CASZ1: variants seen among roughly 807,000 people sequenced by gnomAD.
CASZ1 encodes the protein zinc finger protein castor homolog 1.
Under a neutral mutation model 135.2 loss-of-function variants are expected in CASZ1, and 28 were observed. The ratio of observed to expected loss-of-function variants is 0.21; its 90% CI spans 0.15 to 0.28. The LOEUF is 0.28. Among genes scored for constraint, CASZ1 ranks in the 10% least tolerant of loss-of-function variants. The pLI is 1.00. For synonymous variants in CASZ1, 1,068 were observed against 1,073.4 expected, an observed-to-expected ratio of 0.99 and a Z score of 0.10; for missense variants, 2,161 against 2,453.3, an observed-to-expected ratio of 0.88 and a Z score of 2.52.
chr1:10,712,459 T>G (rs1322845403), intron 2 of CASZ1, among the ~76,000 whole-genome samples: 4 of 152,216 alleles, frequency 2.6e-5, no homozygotes, highest in Admixed American at 2.6e-4. Flanking sequence ...ATGATATCGC[T>G]TTTTTAAAAA....
At chr1:10,690,463 G>A (rs1249123446) in intron 4 of CASZ1, among the ~76,000 whole-genome samples, 6 of 152,228 alleles carry the variant, frequency 3.9e-5, no homozygotes, top group Admixed American at 6.5e-5. Context: ...AGGAAAATGA[G>A]CCAGCCTGGC....
chr1:10,736,260 G>A (rs1639795607), intron 2 of CASZ1, among the ~76,000 whole-genome samples: 1 of 152,132 alleles, frequency 6.6e-6, no homozygotes, highest in Non-Finnish European at 1.5e-5. Flanking sequence ...CACACTCCTG[G>A]TCCCCATCAC....
In CASZ1 at chr1:10,754,494, A is replaced by T. The variant is rs551674942; in HGVS notation, c.-77+6207T>A. Among the ~76,000 whole-genome samples, 408 of 152,254 alleles carry T rather than the reference A, an allele frequency of 2.7e-3. 2 individuals are homozygous for T. Among genetic ancestry groups the T allele is most frequent in the African/African-American group, 9.6e-3 (398 of 41,552 alleles). The stretch of plus-strand genomic sequence containing the variant: ...CTGAGGCTGAGCCCTGGCCCAACCC[A>T]GTGGGCTCCTCAAGCATCCAGTTCC... On this transcript the variant is annotated intron_variant, in intron 2 of 20. Transcript: ENST00000377022.
intron 4 of CASZ1, among the ~76,000 whole-genome samples, chr1:10,686,466 C>G (rs999478492): frequency 1.1e-4 from 17 of 152,184 alleles, no homozygotes; most frequent in Non-Finnish European, 2.4e-4. Flanking sequence ...CCTGGGACAG[C>G]CTGTTGCCCA....
intron 20 of CASZ1, among the ~76,000 whole-genome samples, chr1:10,640,513 G>A (rs1320965846): frequency 6.6e-6 from 1 of 152,236 alleles, no homozygotes; most frequent in Non-Finnish European, 1.5e-5. Flanking sequence ...CCGGCTACCC[G>A]GCTTCCCTGG....
Position 10,638,123 on chromosome 1 carries a change from TC to T in CASZ1, c.*818del, listed in dbSNP as rs1199791295. ...CCACGCCTGCTTTCTTCCTTTTTGT[TC>T]TATGTAGAATAATAACCTTTACAGG... On this transcript the variant is annotated 3_prime_UTR_variant, in exon 21 of 21. Transcript: ENST00000377022. This position sits in a 1 kb window ranked among gnomAD's most constrained non-coding sequence, Gnocchi z 5.9. The T allele has an allele frequency of 1.3e-5, 2 of 152,388 alleles. No individual in the cohort carries two copies. Among genetic ancestry groups the T allele is most frequent in the African/African-American group, 2.4e-5 (1 of 41,430 alleles). The allele number at this position is 152,388 out of a possible 1,614,324, so 9.4% of individuals were successfully genotyped here.
chr1:10,757,413 C>G lies in CASZ1; in HGVS notation c.-77+3288G>C, dbSNP rs554615101. On this transcript the variant is annotated intron_variant, in intron 2 of 20. Transcript: ENST00000377022. The surrounding 1 kb of genome is among the most constrained non-coding windows in gnomAD (Gnocchi z 4.6). ...TGTCCACCTCCTCCTCACCCAGCCA[C>G]CATCCTCTCACACCATCGGCTGCAG... Among the ~76,000 whole-genome samples, 145 of 152,326 alleles carry G rather than the reference C, an allele frequency of 9.5e-4. No homozygotes were observed. Among genetic ancestry groups the G allele is most frequent in the African/African-American group, 3.2e-3 (134 of 41,564 alleles).
rs1638885135 is a variant in CASZ1, at chr1:10,694,719, C to G, written c.-23-807G>C. Among the ~76,000 whole-genome samples the G allele has an allele frequency of 7.0e-6, 1 of 142,204 alleles. No homozygotes were observed. The highest frequency in any genetic ancestry group is 2.5e-5 in the African/African-American group (1 of 39,842). The allele number at this position is 142,204 out of a possible 152,430, so 93.3% of individuals were successfully genotyped here. A position where few individuals can be genotyped will look rare whatever the true frequency, so the allele number is the denominator to read the frequency against. On this transcript the variant is annotated intron_variant, in intron 3 of 20. Coordinates refer to ENST00000377022, the MANE Select transcript of CASZ1 (RefSeq NM_001079843.3). The surrounding 1 kb of genome is among the most constrained non-coding windows in gnomAD (Gnocchi z 6.6). ...CGCGCCCCCGCCGCGCGCGCCCGCG[C>G]CGCACTGGCAGGGCGGCCGGCTCCA...
At chr1:10,733,587 A>G (rs1168928737) in intron 2 of CASZ1, among the ~76,000 whole-genome samples, 17 of 152,204 alleles carry the variant, frequency 1.1e-4, no homozygotes, top group Non-Finnish European at 4.4e-5. Flanking sequence ...CCGGGCAACT[A>G]TAACTCAGGG....
intron 2 of CASZ1, among the ~76,000 whole-genome samples, chr1:10,729,687 GAC>G (rs1238641407): frequency 1.3e-5 from 2 of 152,270 alleles, no homozygotes; most frequent in Non-Finnish European, 2.9e-5. Flanking sequence ...ACATTACGCT[GAC>G]AGCGCAAAGG....
chr1:10,770,677 T>G (rs1570578294), intron 1 of CASZ1, among the ~76,000 whole-genome samples: 1 of 152,216 alleles, frequency 6.6e-6, no homozygotes, highest in East Asian at 1.9e-4. Flanking sequence ...GGCCTGCAAT[T>G]TTCCAGCAGC....
intron 2 of CASZ1, among the ~76,000 whole-genome samples, chr1:10,712,223 G>A (rs1372403176): frequency 6.6e-6 from 1 of 152,078 alleles, no homozygotes; most frequent in African/African-American, 2.4e-5. Flanking sequence ...GTGGGCGCCT[G>A]TAATCCCAGC....
rs1642039436 is a variant in CASZ1, at chr1:10,637,764, A to G, written c.*1178T>C. On this transcript the variant is annotated 3_prime_UTR_variant, in exon 21 of 21. Coordinates refer to ENST00000377022, the MANE Select transcript of CASZ1 (RefSeq NM_001079843.3). ...GGGGATGTTTTGCAAAGGGAACCCA[A>G]TCTGGGTAGACTGCACCAGCGAAGA... The G allele has an allele frequency of 6.6e-6, 1 of 152,434 alleles. No homozygotes were observed. The highest frequency in any genetic ancestry group is 1.5e-5 in the Non-Finnish European group (1 of 68,014). 9.4% of individuals were successfully genotyped at this position (152,434 alleles called of 1,614,324 possible). A position where few individuals can be genotyped will look rare whatever the true frequency, so the allele number is the denominator to read the frequency against.
intron 4 of CASZ1, among the ~76,000 whole-genome samples, chr1:10,681,301 G>A (rs1477344458): frequency 6.6e-6 from 1 of 152,062 alleles, no homozygotes; most frequent in Non-Finnish European, 1.5e-5. Context: ...GTGGAAGGGT[G>A]GACAGAAGAG....
intron 4 of CASZ1, among the ~76,000 whole-genome samples, chr1:10,691,303 G>C (rs1004826590): frequency 1.3e-5 from 2 of 152,210 alleles, no homozygotes; most frequent in African/African-American, 4.8e-5. Flanking sequence ...AAGACGTCCA[G>C]ATTGATCCAG....
At chr1:10,650,619 TCCCCCCA>T in intron 13 of CASZ1, 66 bp downstream of exon 13, 1 of 1,292,102 alleles carries the variant, frequency 7.7e-7, no homozygotes, top group Non-Finnish European at 1.1e-6. Context: ...AACAAACACA[TCCCCCCA>T]CCCCCCAGCA....
chr1:10,673,024 T>C (rs284316), intron 4 of CASZ1, among the ~76,000 whole-genome samples: 57,651 of 151,438 alleles, frequency 0.38, 11,805 homozygotes, highest in African/African-American at 0.51. Flanking sequence ...GAAGGCACGG[T>C]GGACGGCGTT....
intron 4 of CASZ1, among the ~76,000 whole-genome samples, chr1:10,693,559 A>G (rs1321905088): frequency 6.6e-6 from 1 of 151,614 alleles, no homozygotes; most frequent in Non-Finnish European, 1.5e-5. Context: ...AAGCCATACA[A>G]AAAACACGGA....
At chr1:10,644,500 G>C (rs1642304520) in intron 18 of CASZ1, among the ~76,000 whole-genome samples, 1 of 152,224 alleles carries the variant, frequency 6.6e-6, no homozygotes, top group Non-Finnish European at 1.5e-5. Context: ...ATGAATGGAA[G>C]AACAAACTGT....
Sources: allele counts gnomAD v4.1 joint callset (sites outside exome capture counted in the v4.1 genomes callset), GRCh38; gene constraint gnomAD v4.1.1; non-coding constraint Gnocchi (gnomAD v3.1); transcripts MANE v1.5; gene names NCBI Gene and HGNC (gene_info 2026-07-23, HGNC 2026-07-21).